Variants in EDIL3 observed in about 807,000 individuals in gnomAD.
The protein encoded by EDIL3 is EGF-like repeat and discoidin I-like domain-containing protein 3.
Under a neutral mutation model 67.4 loss-of-function variants are expected in EDIL3, and 37 were observed. The ratio of observed to expected loss-of-function variants is 0.55; its 90% CI spans 0.42 to 0.72. The LOEUF is 0.72. EDIL3 is among the 30% of genes least tolerant of loss of function. The pLI is 0.00. For synonymous variants in EDIL3, 195 were observed against 196.3 expected, an observed-to-expected ratio of 0.99 and a Z score of 0.05; for missense variants, 527 against 586.3, an observed-to-expected ratio of 0.90 and a Z score of 1.04.
At chr5:84,348,528 T>G (rs1382923308) in intron 1 of EDIL3, among the ~76,000 whole-genome samples, 2 of 152,122 alleles carry the variant, frequency 1.3e-5, no homozygotes, top group Non-Finnish European at 2.9e-5. Context: ...AGTCTCACTT[T>G]GGTTTTATGA....
chr5:84,218,244 A>T (rs1431062031), intron 3 of EDIL3, among the ~76,000 whole-genome samples: 1 of 152,226 alleles, frequency 6.6e-6, no homozygotes, highest in Non-Finnish European at 1.5e-5. Flanking sequence ...TTCTAATAAG[A>T]TAATATCAAC....
At chr5:84,056,054 C>T (rs562103835) in intron 9 of EDIL3, among the ~76,000 whole-genome samples, 19 of 152,272 alleles carry the variant, frequency 1.2e-4, no homozygotes, top group African/African-American at 4.6e-4. Flanking sequence ...AGACTTGGAA[C>T]CAACCCAAAT....
chr5:83,943,497 G>A lies in EDIL3; in HGVS notation c.1365C>T (p.His455=), dbSNP rs752785819. The A allele has an allele frequency of 6.2e-7, 1 of 1,612,790 alleles. No individual in the cohort carries two copies. The highest frequency in any genetic ancestry group is 1.7e-5 in the Admixed American group (1 of 59,898). The part of the protein sequence containing the change: ...NVIDPPIYAR[H]IRILPWSWYG... ...ACCAGGACCAAGGAAGGATTCTTAT[G>A]TGTCGTGCATAGATGGGAGGGTCGA... is the stretch of plus-strand genomic sequence containing the variant. The change falls in exon 11 of 11, where the codon CAC becomes CAT. Residue 455 remains histidine, a synonymous_variant. Coordinates refer to ENST00000296591, the MANE Select transcript of EDIL3 (RefSeq NM_005711.5).
intron 5 of EDIL3, among the ~76,000 whole-genome samples, chr5:84,107,515 G>C (rs1247344946): frequency 6.6e-6 from 1 of 151,402 alleles, no homozygotes; most frequent in Non-Finnish European, 1.5e-5. Context: ...AGTAAATCAA[G>C]ATATTAAAAT....
chr5:84,242,251 A>G (rs1406405563), intron 2 of EDIL3, among the ~76,000 whole-genome samples: 1 of 151,918 alleles, frequency 6.6e-6, no homozygotes, highest in South Asian at 2.1e-4. Flanking sequence ...AAAAATTTAC[A>G]CAAAAACCCT....
At chr5:84,366,866 A>G (rs979872227) in intron 1 of EDIL3, among the ~76,000 whole-genome samples, 3 of 152,220 alleles carry the variant, frequency 2.0e-5, no homozygotes, top group African/African-American at 7.2e-5. Context: ...CATTTTTTCC[A>G]ATACCAAGCT....
intron 9 of EDIL3, among the ~76,000 whole-genome samples, chr5:84,026,260 A>G (rs1263910220): frequency 2.0e-5 from 3 of 152,232 alleles, no homozygotes; most frequent in Non-Finnish European, 4.4e-5. Context: ...TTTTGATCCC[A>G]CAGATATTTT....
At chr5:84,352,776 C>T (rs868189421) in intron 1 of EDIL3, among the ~76,000 whole-genome samples, 2 of 151,820 alleles carry the variant, frequency 1.3e-5, no homozygotes, top group African/African-American at 4.8e-5. Context: ...GCACTTATAG[C>T]CCTAAATCCA....
intron 1 of EDIL3, among the ~76,000 whole-genome samples, chr5:84,363,741 G>A (rs1420265098): frequency 1.3e-5 from 2 of 152,032 alleles, no homozygotes; most frequent in Non-Finnish European, 2.9e-5. Context: ...GATGGTGAGT[G>A]ACTAATTTAA....
At chr5:84,378,653 T>A (rs1748017542) in intron 1 of EDIL3, among the ~76,000 whole-genome samples, 2 of 152,214 alleles carry the variant, frequency 1.3e-5, no homozygotes, top group African/African-American at 4.8e-5. Context: ...TTCTGATTCT[T>A]TATCCTAGGT....
chr5:84,236,215 C>T (rs539115686), intron 2 of EDIL3, among the ~76,000 whole-genome samples: 7 of 152,052 alleles, frequency 4.6e-5, no homozygotes, highest in East Asian at 1.9e-4. Flanking sequence ...AACAAAAACA[C>T]GTATTTTATA....
At chr5:84,331,992 A>C (rs1346876083) in intron 1 of EDIL3, among the ~76,000 whole-genome samples, 1 of 152,142 alleles carries the variant, frequency 6.6e-6, no homozygotes, top group Non-Finnish European at 1.5e-5. Context: ...AACACACTGT[A>C]AGCTTCTCCA....
intron 10 of EDIL3, among the ~76,000 whole-genome samples, chr5:83,944,617 T>C (rs751479334): frequency 1.3e-5 from 2 of 151,932 alleles, no homozygotes; most frequent in Non-Finnish European, 2.9e-5. Flanking sequence ...CTTTTTTTCT[T>C]ATAGATTCTG....
At chr5:84,066,351 T>C (rs1746640377) in intron 7 of EDIL3, 100 bp downstream of exon 7, 1 of 1,309,146 alleles carries the variant, frequency 7.6e-7, no homozygotes, top group South Asian at 1.8e-5. Flanking sequence ...GTAATTTATT[T>C]TCATCAACAT....
chr5:84,342,055 A>C (rs761184439), intron 1 of EDIL3, among the ~76,000 whole-genome samples: 3 of 152,078 alleles, frequency 2.0e-5, no homozygotes, highest in Non-Finnish European at 4.4e-5. Flanking sequence ...AGACACCTAC[A>C]TTTGGATGTT....
intron 1 of EDIL3, among the ~76,000 whole-genome samples, chr5:84,303,553 C>T (rs1042807899): frequency 1.3e-5 from 2 of 152,070 alleles, no homozygotes; most frequent in African/African-American, 2.4e-5. Context: ...TGATTTCACG[C>T]GTACTAGTCT....
At chr5:84,234,315 C>T (rs1391990794) in intron 2 of EDIL3, among the ~76,000 whole-genome samples, 1 of 152,102 alleles carries the variant, frequency 6.6e-6, no homozygotes. Context: ...TTCCCATGTT[C>T]CTGAAGTGTG....
intron 3 of EDIL3, among the ~76,000 whole-genome samples, chr5:84,197,877 G>T (rs980326): frequency 1.3e-5 from 2 of 151,972 alleles, no homozygotes; most frequent in East Asian, 3.9e-4. Flanking sequence ...AGACATTTAA[G>T]CAAGAAATGG....
At chr5:84,364,036 GT>G (rs761493920) in intron 1 of EDIL3, among the ~76,000 whole-genome samples, 24 of 152,224 alleles carry the variant, frequency 1.6e-4, no homozygotes, top group Non-Finnish European at 1.5e-4. Flanking sequence ...AATGGGTACA[GT>G]AAAATATACA....
Sources: gnomAD v4.1 joint callset for allele counts (sites outside exome capture counted in the v4.1 genomes callset) on GRCh38, gnomAD v4.1.1 for gene constraint, MANE v1.5 for transcripts, NCBI Gene and HGNC (gene_info 2026-07-23, HGNC 2026-07-21) for gene names.